Variants in KLHL33 observed in about 807,000 individuals in gnomAD.
KLHL33 encodes kelch like family member 33.
KLHL33 carries 46 observed loss-of-function variants against 60.8 expected under a neutral mutation model. That is an observed-to-expected ratio of 0.76 (90% CI 0.60 to 0.97). KLHL33 has a LOEUF of 0.97. Among genes scored for constraint, KLHL33 ranks in the 50% least tolerant of loss-of-function variants. The probability of loss-of-function intolerance (pLI) is 0.00; values close to 1 mark genes in which losing one functional copy is unlikely to be tolerated. For synonymous variants in KLHL33, 434 were observed against 432.2 expected (o/e 1.00, Z -0.05); for missense variants, 1,055 against 1,000.0 (o/e 1.05, Z -0.74).
At chr14:20,433,906 C>T (rs776628402) in intron 2 of KLHL33, among the ~76,000 whole-genome samples, 12 of 152,086 alleles carry the variant, frequency 7.9e-5, no homozygotes, top group Non-Finnish European at 1.5e-4. Flanking sequence ...ATTCTGATTT[C>T]GTCATCATCA....
chr14:20,428,630 G>C lies in KLHL33; in HGVS notation c.*219C>G. The C allele has an allele frequency of 1.9e-6, 1 of 540,046 alleles. No homozygotes were observed. Among genetic ancestry groups the C allele is most frequent in the Non-Finnish European group, 3.3e-6 (1 of 304,240 alleles). 33.5% of individuals were successfully genotyped at this position (540,046 alleles called of 1,614,324 possible). ...GCTCCCGAGTCTCCTTTCCTCACCTGGGTATTCAGCTGCCTCCCCTTTCCC... is the reference window on the plus strand; with the variant it reads ...GCTCCCGAGTCTCCTTTCCTCACCTCGGTATTCAGCTGCCTCCCCTTTCCC... On this transcript the variant is annotated 3_prime_UTR_variant, in exon 5 of 5. Coordinates refer to ENST00000636854, the MANE Select transcript of KLHL33 (RefSeq NM_001365790.2).
At position 20,429,827 on chromosome 14, in the gene KLHL33, G is replaced by A. The variant is rs374979497; in HGVS notation, c.1641C>T (p.Tyr547=). The A allele has an allele frequency of 3.2e-6, 5 of 1,547,326 alleles. No individual in the cohort carries two copies. Among genetic ancestry groups the A allele is most frequent in the Non-Finnish European group, 8.7e-7 (1 of 1,144,444 alleles). ...TTGAAGCCAGGGTGTTGGAGTGACT[G>A]TAGAAATCTTGTCCCCCACACACAT... ...ELYVCGGQDF[Y]SHSNTLASTL... is the part of the protein sequence containing the mutation. The change falls in exon 3 of 5, where the codon TAC becomes TAT. Residue 547 remains tyrosine, a synonymous_variant. Coordinates refer to ENST00000636854, the MANE Select transcript of KLHL33 (RefSeq NM_001365790.2).
rs1880377632 is a variant in KLHL33, at chr14:20,428,829, C to A, written c.*20G>T. 1 of 1,539,528 alleles carries A rather than the reference C, an allele frequency of 6.5e-7. No individual in the cohort carries two copies. Among genetic ancestry groups the A allele is most frequent in the Non-Finnish European group, 8.8e-7 (1 of 1,138,010 alleles). On this transcript the variant is annotated 3_prime_UTR_variant, in exon 5 of 5. Transcript: ENST00000636854. The stretch of plus-strand genomic sequence containing the variant: ...GCTATTTCTTATGCCCTCCTCTCCC[C>A]ATACACTGTTGCTCCCTCTTCACCC...
At position 20,429,329 on chromosome 14, in the gene KLHL33, G is replaced by A. The variant is rs531569054; in HGVS notation, c.1914C>T (p.Ser638=). 157 of 1,551,720 alleles carry A rather than the reference G, an allele frequency of 1.0e-4. 3 individuals are homozygous for A. Among genetic ancestry groups the A allele is most frequent in the South Asian group, 9.5e-4 (80 of 84,068 alleles). Residue 638 remains serine, a synonymous_variant, in exon 5 of 5, where the codon AGC becomes AGT. Transcript: ENST00000636854. ...AAILEGQLYV[S]GGCGGTGQYL... ...ATTGGCCAGTCCCACCACAGCCACCGCTCACGTACAACTGGCCCTCCAAAA... is the reference window on the plus strand; with the variant it reads ...ATTGGCCAGTCCCACCACAGCCACCACTCACGTACAACTGGCCCTCCAAAA...
chr14:20,428,717 AG>A lies in KLHL33; in HGVS notation c.*131del, dbSNP rs1880374458. 1 of 807,962 alleles carries A rather than the reference AG, an allele frequency of 1.2e-6. No homozygotes were observed. The highest frequency in any genetic ancestry group is 2.7e-5 in the East Asian group (1 of 37,068). 50.0% of individuals were successfully genotyped at this position (807,962 alleles called of 1,614,324 possible). A position where few individuals can be genotyped will look rare whatever the true frequency, so the allele number is the denominator to read the frequency against. On this transcript the variant is annotated 3_prime_UTR_variant, in exon 5 of 5. Coordinates refer to ENST00000636854, the MANE Select transcript of KLHL33 (RefSeq NM_001365790.2). ...CCTCAACGGAGATCATACGTACAAA[AG>A]CAGTTTACAATGCACAGTGTGAGAA...
chr14:20,430,200 A>T lies in KLHL33; in HGVS notation c.1268T>A (p.Leu423Gln), dbSNP rs1374949287. ...CATGCGGCCAAAGCGGACACATCGC[A>T]GCAGGGCCTTGGCCTCTGACTCCTG... is the stretch of plus-strand genomic sequence containing the variant. ...ETQESEAKAL[L>Q]RCVRFGRMST... Residue 423 changes from leucine (L) to glutamine (Q), a missense_variant, in exon 3 of 5, where the codon CTG (leucine) becomes CAG (glutamine). Leu to Gln is a moderately radical substitution (Grantham distance 113). Coordinates refer to ENST00000636854, the MANE Select transcript of KLHL33 (RefSeq NM_001365790.2). 1.3e-6 allele frequency: 2 copies of T among 1,551,448 alleles called. No individual in the cohort carries two copies. Among genetic ancestry groups the T allele is most frequent in the Non-Finnish European group, 1.7e-6 (2 of 1,147,000 alleles).
intron 2 of KLHL33, among the ~76,000 whole-genome samples, chr14:20,432,613 T>C (rs948275665): frequency 6.6e-6 from 1 of 152,060 alleles, no homozygotes; most frequent in African/African-American, 2.4e-5. Flanking sequence ...AATATAAATG[T>C]GGACTAGGTG....
At chr14:20,429,743 C>A (rs1346248799) in intron 3 of KLHL33, 52 bp downstream of exon 3, 1 of 1,525,282 alleles carries the variant, frequency 6.6e-7, no homozygotes, top group Non-Finnish European at 8.8e-7. Flanking sequence ...CAATTTCTCT[C>A]CCTGCCCACC....
In KLHL33 at chr14:20,430,234, G is replaced by C; in HGVS notation, c.1234C>G (p.Pro412Ala). 1 of 1,551,546 alleles carries C rather than the reference G, an allele frequency of 6.4e-7. No homozygotes were observed. Among genetic ancestry groups the C allele is most frequent in the Non-Finnish European group, 8.7e-7 (1 of 1,146,978 alleles). ...VAARCWLAAN[P>A]ETQESEAKAL... ...TTGGCCTCTGACTCCTGGGTCTCGG[G>C]GTTGGCAGCCAGCCAACACCGTGCA... Residue 412 changes from proline to alanine, a missense_variant, in exon 3 of 5, where the codon CCC (proline) becomes GCC (alanine). Pro to Ala is a conservative substitution (Grantham distance 27). Coordinates refer to ENST00000636854, the MANE Select transcript of KLHL33 (RefSeq NM_001365790.2).
chr14:20,436,013 G>C (rs868380491), intron 1 of KLHL33, 86 bp downstream of exon 1: 2 of 405,208 alleles, frequency 4.9e-6, no homozygotes, highest in Non-Finnish European at 8.5e-6. Context: ...GGGTGCACGC[G>C]GTGCAGTGAA....
At position 20,435,765 on chromosome 14, in the gene KLHL33, A is replaced by G; in HGVS notation, c.47T>C (p.Val16Ala). Residue 16 changes from valine to alanine, a missense_variant, in exon 2 of 5, where the codon GTC becomes GCC. By Grantham distance (64) the Val-to-Ala change is moderately conservative. Coordinates refer to ENST00000636854, the MANE Select transcript of KLHL33 (RefSeq NM_001365790.2). The part of the protein sequence containing the change: ...TPHYPPELES[V>A]SHPVQRDCLG... ...GCAGTCCCTCTGGACGGGATGAGAG[A>G]CACTCTCCAGCTCAGGGGGATAATG... The G allele has an allele frequency of 1.6e-6, 2 of 1,234,338 alleles. No individual in the cohort carries two copies. The highest frequency in any genetic ancestry group is 3.1e-5 in the African/African-American group (2 of 64,564). 76.5% of individuals were successfully genotyped at this position (1,234,338 alleles called of 1,614,324 possible). A position where few individuals can be genotyped will look rare whatever the true frequency, so the allele number is the denominator to read the frequency against.
At chr14:20,432,964 A>AAGAAAGAAAGAG (rs1378699205) in intron 2 of KLHL33, among the ~76,000 whole-genome samples, 33 of 151,666 alleles carry the variant, frequency 2.2e-4, no homozygotes, top group African/African-American at 7.7e-4. Context: ...GAAAGAAAGA[A>AAGAAAGAAAGAG]AGAAAGAAAG....
intron 2 of KLHL33, among the ~76,000 whole-genome samples, chr14:20,434,138 A>T (rs1287993386): frequency 6.6e-6 from 1 of 152,206 alleles, no homozygotes; most frequent in Non-Finnish European, 1.5e-5. Flanking sequence ...AAGAGATGTC[A>T]TGTGTAAAAA....
intron 2 of KLHL33, 66 bp downstream of exon 2, chr14:20,434,998 C>G (rs1239779872): frequency 2.5e-6 from 3 of 1,201,278 alleles, no homozygotes; most frequent in Non-Finnish European, 3.1e-6. Context: ...AAACCACCTG[C>G]TGCTTGCACA....
chr14:20,435,857 C>T, intron 1 of KLHL33, 27 bp from the exon 2 acceptor site: 1 of 1,232,664 alleles, frequency 8.1e-7, no homozygotes, highest in Non-Finnish European at 1.0e-6. Flanking sequence ...GCAAGACAGC[C>T]TGGCGTCAGA....
rs1321880118 is a variant in KLHL33, at chr14:20,430,014, G to T, written c.1454C>A (p.Pro485Gln). The T allele has an allele frequency of 5.2e-6, 8 of 1,551,612 alleles. No individual in the cohort carries two copies. Among genetic ancestry groups the T allele is most frequent in the Non-Finnish European group, 7.0e-6 (8 of 1,147,004 alleles). Residue 485 changes from proline (P) to glutamine (Q), a missense_variant, in exon 3 of 5, where the codon CCA (proline) becomes CAA (glutamine). Transcript: ENST00000636854. The part of the protein sequence containing the change: ...LVVIGGDGLR[P>Q]DMALRQPSRA... ...GGATGGTTGTCTTAGGGCCATGTCT[G>T]GTCTGAGCCCATCCCCGCCAATCAC...
intron 2 of KLHL33, among the ~76,000 whole-genome samples, chr14:20,433,976 A>G (rs1880602040): frequency 1.3e-5 from 2 of 152,154 alleles, no homozygotes; most frequent in Admixed American, 1.3e-4. Flanking sequence ...TAAACTTTCA[A>G]TGTGTCCACA....
rs1175855111 is a variant in KLHL33 at position 20,430,615 on chromosome 14, T to A, written c.853A>T (p.Thr285Ser). 2.6e-6 allele frequency: 4 copies of A among 1,536,366 alleles called. No individual in the cohort carries two copies. The highest frequency in any genetic ancestry group is 3.5e-6 in the Non-Finnish European group (4 of 1,146,906). Residue 285 changes from threonine to serine, a missense_variant, in exon 3 of 5, where the codon ACC becomes TCC. Coordinates refer to ENST00000636854, the MANE Select transcript of KLHL33 (RefSeq NM_001365790.2). The part of the protein sequence containing the change: ...GTEVSLRTIS[T>S]QDLRLLVSFA... Reference sequence around the variant, plus strand: ...GAGACGAGGAGTCGCAGGTCCTGGGTGGAGATCGTCCGCAGAGATACCTCT... The same window carrying A: ...GAGACGAGGAGTCGCAGGTCCTGGGAGGAGATCGTCCGCAGAGATACCTCT...
chr14:20,435,403 G>T lies in KLHL33; in HGVS notation c.409C>A (p.Leu137Ile). 1 of 1,234,394 alleles carries T rather than the reference G, an allele frequency of 8.1e-7. No homozygotes were observed. The highest frequency in any genetic ancestry group is 1.0e-6 in the Non-Finnish European group (1 of 988,170). The allele number at this position is 1,234,394 out of a possible 1,614,324, so 76.5% of individuals were successfully genotyped here. A position where few individuals can be genotyped will look rare whatever the true frequency, so the allele number is the denominator to read the frequency against. Residue 137 changes from leucine (L) to isoleucine (I), a missense_variant, in exon 2 of 5, where the codon CTC (leucine) becomes ATC (isoleucine). Leu to Ile is a conservative substitution (Grantham distance 5, BLOSUM62 2). Coordinates refer to ENST00000636854, the MANE Select transcript of KLHL33 (RefSeq NM_001365790.2). ...CCGCCCAGCAGCCTGTCTCGGAAGA[G>T]GCTGCTGATTGCGGCCAGGATCACC... ...HRVILAAISS[L>I]FRDRLLGGGG...
Sources: allele counts gnomAD v4.1 joint callset (sites outside exome capture counted in the v4.1 genomes callset), GRCh38; gene constraint gnomAD v4.1.1; transcripts MANE v1.5; gene names NCBI Gene and HGNC (gene_info 2026-07-23, HGNC 2026-07-21).